ACYP2: variants seen among roughly 807,000 people sequenced by gnomAD.
ACYP2 encodes acylphosphatase 2, also known as acylphosphatase-2.
A neutral mutation model predicts 11.2 loss-of-function variants in ACYP2; 12 were observed. That is an observed-to-expected ratio of 1.08 (90% CI 0.69 to 1.74). The LOEUF (loss-of-function observed/expected upper bound fraction) is 1.74. Ranked by LOEUF, ACYP2 falls within the 40% of genes most tolerant of loss-of-function variation. The pLI is 0.00. For synonymous variants in ACYP2, 43 were observed against 32.2 expected (o/e 1.33, Z -1.13); for missense variants, 134 against 101.9 (o/e 1.31, Z -1.35).
intron 4 of ACYP2, among the ~76,000 whole-genome samples, chr2:54,087,490 A>G (rs546872808): frequency 8.5e-4 from 130 of 152,256 alleles, no homozygotes; most frequent in African/African-American, 3.1e-3. Context: ...CTAGGATTAT[A>G]GACATGTGCC....
chr2:54,064,037 G>A (rs988133049), intron 4 of ACYP2, among the ~76,000 whole-genome samples: 4 of 152,114 alleles, frequency 2.6e-5, no homozygotes, highest in African/African-American at 9.6e-5. Context: ...TTTTTGAGAC[G>A]GGGTCTCGCT....
In ACYP2 at chr2:54,286,617, C is replaced by T. The variant is rs1005260923; in HGVS notation, c.405-18071C>T. Reference sequence around the variant, plus strand: ...GAAAAGATGATCCGTTTTTACACTACTTTGCTCAACAGATAACTTTTCTAG... The same window carrying T: ...GAAAAGATGATCCGTTTTTACACTATTTTGCTCAACAGATAACTTTTCTAG... On this transcript the variant is annotated intron_variant, in intron 6 of 6. Transcript: ENST00000607452. Among the ~76,000 whole-genome samples, 6 of 152,212 alleles carry T rather than the reference C, an allele frequency of 3.9e-5. No individual in the cohort carries two copies. The East Asian group carries it at 7.7e-4, about 20-fold the overall frequency.
chr2:54,140,042 G>A (rs1668203008), intron 6 of ACYP2, among the ~76,000 whole-genome samples: 1 of 152,084 alleles, frequency 6.6e-6, no homozygotes, highest in Non-Finnish European at 1.5e-5. Context: ...GCATACTTGT[G>A]TTTGTGTGTA....
At chr2:54,039,819 TTGTGTGTGTG>T (rs751604890) in intron 2 of ACYP2, among the ~76,000 whole-genome samples, 7,241 of 126,664 alleles carry the variant, frequency 0.057, 220 homozygotes, top group Non-Finnish European at 0.066. Context: ...TTGTTTTCTT[TTGTGTGTGTG>T]TGTGTGTGTG....
At chr2:54,235,876 C>G (rs1434280679) in intron 6 of ACYP2, among the ~76,000 whole-genome samples, 1 of 152,170 alleles carries the variant, frequency 6.6e-6, no homozygotes, top group Non-Finnish European at 1.5e-5. Flanking sequence ...TCTATAAGCT[C>G]TGTAGTGACG....
At chr2:54,051,305 G>C in intron 3 of ACYP2, 1 of 767,378 alleles carries the variant, frequency 1.3e-6, no homozygotes, top group Non-Finnish European at 2.4e-6. Flanking sequence ...GCAGCAGCCA[G>C]ATGCTTCAGT....
At chr2:53,984,679 A>G (rs1052575099) in intron 2 of ACYP2, among the ~76,000 whole-genome samples, 1 of 151,218 alleles carries the variant, frequency 6.6e-6, no homozygotes, top group Non-Finnish European at 1.5e-5. Context: ...TATAAAATAC[A>G]TTGGGACCAA....
At chr2:54,122,592 C>G (rs201973249) in intron 4 of ACYP2, among the ~76,000 whole-genome samples, 1 of 152,234 alleles carries the variant, frequency 6.6e-6, no homozygotes, top group Non-Finnish European at 1.5e-5. Context: ...TTCCAGCCAA[C>G]ACTGATAAAG....
chr2:54,215,447 T>G (rs993276542), intron 6 of ACYP2, among the ~76,000 whole-genome samples: 1 of 152,214 alleles, frequency 6.6e-6, no homozygotes. Flanking sequence ...GTTGAGTGTC[T>G]TGGTTATTTT....
intron 6 of ACYP2, among the ~76,000 whole-genome samples, chr2:54,303,851 G>GT (rs1313886412): frequency 2.6e-5 from 4 of 152,162 alleles, no homozygotes; most frequent in Non-Finnish European, 4.4e-5. Flanking sequence ...AAACAGCCTT[G>GT]TTTTATAAAC....
chr2:54,255,579 GGGCCCA>G lies in ACYP2; in HGVS notation c.405-49103_405-49098del, dbSNP rs751318047. 14 of 1,497,898 alleles carry G rather than the reference GGGCCCA, an allele frequency of 9.3e-6. No homozygotes were observed. The East Asian group carries it at 2.1e-4, about 22-fold the overall frequency. 92.8% of individuals were successfully genotyped at this position (1,497,898 alleles called of 1,614,324 possible). A position where few individuals can be genotyped will look rare whatever the true frequency, so the allele number is the denominator to read the frequency against. ...GACCCACGTTCAGGGGCCCGGGCCC[GGGCCCA>G]GGCCCTGCCTCCCTGTTTACCTCAT... is the stretch of plus-strand genomic sequence containing the variant. On this transcript the variant is annotated intron_variant, in intron 6 of 6. Transcript: ENST00000607452.
chr2:54,257,809 T>A (rs1361523682), intron 6 of ACYP2, among the ~76,000 whole-genome samples: 1 of 152,162 alleles, frequency 6.6e-6, no homozygotes, highest in Admixed American at 6.5e-5. Context: ...TAGAAATGTA[T>A]AACTTATCAA....
chr2:54,026,506 C>A (rs184756952), intron 2 of ACYP2, among the ~76,000 whole-genome samples: 11 of 152,242 alleles, frequency 7.2e-5, no homozygotes, highest in African/African-American at 2.4e-4. Context: ...ATGGAGATTC[C>A]TTAAAGAACT....
At chr2:54,067,421 C>A (rs968801811) in intron 4 of ACYP2, among the ~76,000 whole-genome samples, 2 of 152,172 alleles carry the variant, frequency 1.3e-5, no homozygotes, top group Non-Finnish European at 1.5e-5. Context: ...GCACTATGTT[C>A]TTCCCACATT....
At chr2:54,024,028 A>T (rs1346256598) in intron 2 of ACYP2, among the ~76,000 whole-genome samples, 1 of 152,186 alleles carries the variant, frequency 6.6e-6, no homozygotes, top group African/African-American at 2.4e-5. Flanking sequence ...ATGAACATAG[A>T]TGCAAAAATC....
intron 2 of ACYP2, among the ~76,000 whole-genome samples, chr2:54,042,380 C>T (rs1463112925): frequency 2.0e-5 from 3 of 152,162 alleles, no homozygotes; most frequent in Admixed American, 6.6e-5. Flanking sequence ...AAGCTATAAA[C>T]GTTGCTCTTG....
intron 6 of ACYP2, among the ~76,000 whole-genome samples, chr2:54,197,094 T>C (rs1422032485): frequency 6.6e-6 from 1 of 152,130 alleles, no homozygotes; most frequent in Non-Finnish European, 1.5e-5. Context: ...GCTTAGAGAT[T>C]ATTTTAGCTG....
intron 6 of ACYP2, among the ~76,000 whole-genome samples, chr2:54,202,405 CT>C (rs61634500): frequency 0.24 from 28,421 of 116,080 alleles, 3,130 homozygotes; most frequent in South Asian, 0.37. Flanking sequence ...CTGTGCCTGG[CT>C]TTTTTTTTTT....
intron 4 of ACYP2, among the ~76,000 whole-genome samples, chr2:54,129,552 G>A (rs1012018920): frequency 6.6e-6 from 1 of 151,078 alleles, no homozygotes; most frequent in Non-Finnish European, 1.5e-5. Context: ...TGTCAATTTA[G>A]GCATTATTAG....
Sources: gnomAD v4.1 joint callset for allele counts (sites outside exome capture counted in the v4.1 genomes callset) on GRCh38, gnomAD v4.1.1 for gene constraint, MANE v1.5 for transcripts, NCBI Gene and HGNC (gene_info 2026-07-23, HGNC 2026-07-21) for gene names.